The following TENM3 variants were observed in gnomAD, a reference collection of about 807,000 sequenced individuals.
TENM3 encodes teneurin-3.
Under a neutral mutation model 255.1 loss-of-function variants are expected in TENM3, and 63 were observed. That is an observed-to-expected ratio of 0.25 (90% CI 0.20 to 0.30). TENM3 has a LOEUF of 0.30. Ranked by LOEUF, TENM3 falls within the 10% of genes least tolerant of loss-of-function variation. The pLI is 1.00. For synonymous variants in TENM3, 1,306 were observed against 1,322.3 expected (o/e 0.99, Z 0.27); for missense variants, 2,929 against 3,461.1 (o/e 0.85, Z 3.86).
At chr4:182,533,931 C>G (rs893695496) in intron 3 of TENM3, among the ~76,000 whole-genome samples, 10 of 152,022 alleles carry the variant, frequency 6.6e-5, no homozygotes, top group African/African-American at 2.2e-4. Context: ...ATTGTCTTTT[C>G]ATTGATATAG....
At chr4:181,704,650 G>A in the TENM3 span, among the ~76,000 whole-genome samples, 6 of 152,082 alleles carry the variant, frequency 3.9e-5, no homozygotes, top group Non-Finnish European at 7.3e-5. Flanking sequence ...AAGTTTCCTA[G>A]CCTATAATAT....
intron 3 of TENM3, among the ~76,000 whole-genome samples, chr4:182,569,348 A>G (rs1028983913): frequency 6.6e-6 from 1 of 152,090 alleles, no homozygotes; most frequent in African/African-American, 2.4e-5. Flanking sequence ...TGAGGTGAGG[A>G]GTTCGACACC....
At chr4:182,594,672 T>C (rs1747007514) in intron 3 of TENM3, among the ~76,000 whole-genome samples, 1 of 147,400 alleles carries the variant, frequency 6.8e-6, no homozygotes, top group African/African-American at 2.5e-5. Context: ...TTCTTCCCTG[T>C]TTTTTGTTTT....
At chr4:181,688,769 C>T in the TENM3 span, among the ~76,000 whole-genome samples, 3 of 152,134 alleles carry the variant, frequency 2.0e-5, no homozygotes, top group African/African-American at 7.2e-5. Context: ...CTGCAACAGT[C>T]GGGGTTTAAG....
At chr4:182,311,750 A>G (rs549654858) in intron 1 of TENM3, among the ~76,000 whole-genome samples, 1 of 152,290 alleles carries the variant, frequency 6.6e-6, no homozygotes, top group East Asian at 1.9e-4. Flanking sequence ...TTTTATGTCC[A>G]CTCTGAAAGA....
chr4:181,928,353 A>G, the TENM3 span, among the ~76,000 whole-genome samples: 1 of 152,002 alleles, frequency 6.6e-6, no homozygotes, highest in African/African-American at 2.4e-5. Context: ...GATGGAGCTG[A>G]AAAACACAGC....
chr4:181,892,598 G>C, the TENM3 span, among the ~76,000 whole-genome samples: 1 of 152,162 alleles, frequency 6.6e-6, no homozygotes, highest in East Asian at 1.9e-4. Flanking sequence ...AAGAGGAATT[G>C]TTTCTTGCCT....
intron 5 of TENM3, chr4:182,631,485 A>G (rs1202417286): frequency 6.6e-6 from 1 of 152,184 alleles, no homozygotes; most frequent in Non-Finnish European, 1.5e-5. Context: ...TCGCATGGTA[A>G]ATCTTTTTTG....
chr4:182,383,327 G>A (rs1767694567), intron 3 of TENM3, among the ~76,000 whole-genome samples: 1 of 152,084 alleles, frequency 6.6e-6, no homozygotes, highest in Non-Finnish European at 1.5e-5. Context: ...CTAAATCTGG[G>A]CTATGTGGGC....
chr4:181,477,116 A>C, the TENM3 span, among the ~76,000 whole-genome samples: 1 of 152,094 alleles, frequency 6.6e-6, no homozygotes, highest in Non-Finnish European at 1.5e-5. Context: ...CTATTTAAAC[A>C]CTTATTGAAA....
the TENM3 span, among the ~76,000 whole-genome samples, chr4:181,853,329 T>A: frequency 1.2e-4 from 18 of 152,370 alleles, no homozygotes; most frequent in Non-Finnish European, 1.2e-4. Flanking sequence ...TGCTTTATTG[T>A]AACTTTAGTT....
chr4:182,487,160 G>A (rs530802489), intron 3 of TENM3, among the ~76,000 whole-genome samples: 2 of 152,268 alleles, frequency 1.3e-5, no homozygotes, highest in East Asian at 3.9e-4. Context: ...ATACAATGTG[G>A]AAGAGAAACA....
rs151305878 is a variant in TENM3 at position 182,733,591 on chromosome 4, G to A, written c.2967+2452G>A. Among the ~76,000 whole-genome samples the A allele has an allele frequency of 9.5e-3, 1,444 of 152,156 alleles. 16 individuals are homozygous for A. Among genetic ancestry groups the A allele is most frequent in the South Asian group, 0.025 (121 of 4,832 alleles). ...AAAGAGGTAAATTTGGGAGTCATTC[G>A]CATATAAATATAAAGCATAAACCTA... On this transcript the variant is annotated intron_variant, in intron 16 of 27. Transcript: ENST00000511685.
chr4:182,119,194 T>C, the TENM3 span, among the ~76,000 whole-genome samples: 1 of 152,172 alleles, frequency 6.6e-6, no homozygotes, highest in Non-Finnish European at 1.5e-5. Context: ...AGTTAGGATC[T>C]GGTAAAAGTT....
At chr4:181,958,990 A>G in the TENM3 span, among the ~76,000 whole-genome samples, 2 of 152,254 alleles carry the variant, frequency 1.3e-5, no homozygotes, top group Non-Finnish European at 2.9e-5. Context: ...AAGTATAATT[A>G]TACTATAAAA....
chr4:181,598,999 T>C, the TENM3 span, among the ~76,000 whole-genome samples: 1 of 152,212 alleles, frequency 6.6e-6, no homozygotes. Flanking sequence ...TGTTAACCAA[T>C]GGACAGTCTA....
the TENM3 span, among the ~76,000 whole-genome samples, chr4:181,819,000 G>A: frequency 6.6e-6 from 1 of 152,086 alleles, no homozygotes; most frequent in African/African-American, 2.4e-5. Context: ...CCATGGTTAG[G>A]TCCCAGCTAT....
At chr4:181,908,268 T>C in the TENM3 span, among the ~76,000 whole-genome samples, 2 of 152,206 alleles carry the variant, frequency 1.3e-5, no homozygotes, top group South Asian at 4.1e-4. Context: ...AAATGTCTAG[T>C]AGTGACAGTT....
At chr4:182,341,514 C>T (rs1415517537) in intron 2 of TENM3, among the ~76,000 whole-genome samples, 7 of 152,106 alleles carry the variant, frequency 4.6e-5, no homozygotes, top group Non-Finnish European at 7.3e-5. Flanking sequence ...CCTGCAGATC[C>T]GAAGACATGG....
Sources: allele counts gnomAD v4.1 joint callset (sites outside exome capture counted in the v4.1 genomes callset), GRCh38; gene constraint gnomAD v4.1.1; transcripts MANE v1.5; gene names NCBI Gene and HGNC (gene_info 2026-07-23, HGNC 2026-07-21).